The following FABP6 variants were observed in gnomAD, a reference collection of about 807,000 sequenced individuals.
FABP6 encodes the protein fatty acid binding protein 6.
FABP6 carries 13 observed loss-of-function variants against 14.9 expected under a neutral mutation model. That is an observed-to-expected ratio of 0.87 (90% confidence interval 0.57 to 1.39). FABP6 has a LOEUF of 1.39. Ranked by LOEUF, FABP6 falls within the 40% of genes most tolerant of loss-of-function variation. FABP6 has a pLI of 0.00. For synonymous variants in FABP6, 75 were observed against 63.6 expected (o/e 1.18, Z -0.85); for missense variants, 161 against 167.2 (o/e 0.96, Z 0.20).
chr5:160,213,650 T>G lies in FABP6; in HGVS notation c.52-86T>G, dbSNP rs188098985. On this transcript the variant is annotated intron_variant, in intron 2 of 6. Coordinates refer to the FABP6 transcript ENST00000393980. ...AATTAAGAGCGCTGCTATGAGGAGC[T>G]CTGCCTCCCTGCACAGAGCTGATTG... 36 of 1,143,294 alleles carry G rather than the reference T, an allele frequency of 3.1e-5. No homozygotes were observed. The Admixed American group carries it at 4.6e-4, about 15-fold the overall frequency. 70.8% of individuals were successfully genotyped at this position (1,143,294 alleles called of 1,614,324 possible).
At chr5:160,204,049 A>G (rs10042071) in intron 2 of FABP6, among the ~76,000 whole-genome samples, 1,999 of 151,964 alleles carry the variant, frequency 0.013, 44 homozygotes, top group African/African-American at 0.045. Flanking sequence ...ATTTCCAAAA[A>G]ATAAGGACTT....
intron 3 of FABP6, among the ~76,000 whole-genome samples, chr5:160,235,773 T>TTCTCTC (rs141776542): frequency 6.7e-6 from 1 of 150,234 alleles, no homozygotes; most frequent in South Asian, 2.1e-4. Context: ...TCTTTGATCC[T>TTCTCTC]TCTCTCTCTC....
At chr5:160,202,705 G>A (rs994566973) in intron 2 of FABP6, among the ~76,000 whole-genome samples, 16 of 151,544 alleles carry the variant, frequency 1.1e-4, no homozygotes, top group African/African-American at 3.9e-4. Context: ...TCGGGAGGCT[G>A]AGGCAGGAGA....
intron 2 of FABP6, among the ~76,000 whole-genome samples, chr5:160,205,196 C>T: frequency 6.6e-6 from 1 of 151,590 alleles, no homozygotes; most frequent in Non-Finnish European, 1.5e-5. Flanking sequence ...AGACAAGATA[C>T]CATTAATGAT....
At chr5:160,204,124 G>A (rs1362694315) in intron 2 of FABP6, among the ~76,000 whole-genome samples, 1 of 143,500 alleles carries the variant, frequency 7.0e-6, no homozygotes, top group Admixed American at 7.2e-5. Flanking sequence ...AGGCAATAGA[G>A]TGAGACTCCA....
At chr5:160,204,834 GA>G (rs1759727109) in intron 2 of FABP6, 1 of 152,186 alleles carries the variant, frequency 6.6e-6, no homozygotes, top group African/African-American at 2.4e-5. Context: ...TGTGGAGAGG[GA>G]AAGAAGCCAA....
chr5:160,220,298 C>A (rs949031206), intron 3 of FABP6, among the ~76,000 whole-genome samples: 1 of 152,114 alleles, frequency 6.6e-6, no homozygotes, highest in Non-Finnish European at 1.5e-5. Flanking sequence ...TCTGGAAGAT[C>A]GGTATTTTTT....
chr5:160,221,936 A>C (rs1246809432), intron 3 of FABP6, among the ~76,000 whole-genome samples: 4 of 152,214 alleles, frequency 2.6e-5, no homozygotes, highest in Non-Finnish European at 5.9e-5. Context: ...AATGAGATGT[A>C]GTGGGATCTG....
At chr5:160,196,403 C>T (rs1759510351) in intron 1 of FABP6, among the ~76,000 whole-genome samples, 1 of 152,104 alleles carries the variant, frequency 6.6e-6, no homozygotes, top group African/African-American at 2.4e-5. Flanking sequence ...TGATGGGGCT[C>T]TGGGGAGAGA....
chr5:160,211,780 A>G lies in FABP6; in HGVS notation c.52-1956A>G, dbSNP rs1347541021. Among the ~76,000 whole-genome samples, 16 of 152,224 alleles carry G rather than the reference A, an allele frequency of 1.1e-4. 1 individual carries two copies. In the South Asian group the frequency reaches 1.7e-3, roughly 16 times the overall value. On this transcript the variant is annotated intron_variant, in intron 2 of 6. Coordinates refer to the FABP6 transcript ENST00000393980. ...TTGTCACCAAGAGTCCGTGTCTGCT[A>G]CTTAGATCTGTAAGAGCTTTGGCTG...
chr5:160,205,520 G>C lies in FABP6; in HGVS notation c.51+6363G>C, dbSNP rs144641195. Among the ~76,000 whole-genome samples, 151 of 152,162 alleles carry C rather than the reference G, an allele frequency of 9.9e-4. No homozygotes were observed. The East Asian group carries it at 0.02, about 20-fold the overall frequency. ...ATTTCTCCTAGCAACCTTGTTTTCT[G>C]AAAGGCTGACTCCAACCCTGCTCCA... is the stretch of plus-strand genomic sequence containing the variant. On this transcript the variant is annotated intron_variant, in intron 2 of 6. Transcript: ENST00000393980.
At chr5:160,220,916 C>G (rs927545484) in intron 3 of FABP6, among the ~76,000 whole-genome samples, 1 of 151,394 alleles carries the variant, frequency 6.6e-6, no homozygotes, top group Non-Finnish European at 1.5e-5. Flanking sequence ...GGTGAAACCC[C>G]GTCTCTACTA....
In FABP6 at chr5:160,205,513, G is replaced by A. The variant is rs566956643; in HGVS notation, c.51+6356G>A. 3.3e-5 allele frequency among the ~76,000 whole-genome samples: 5 copies of A among 152,216 alleles called. No individual in the cohort carries two copies. In the South Asian group the frequency reaches 1.0e-3, roughly 32 times the overall value. On this transcript the variant is annotated intron_variant, in intron 2 of 6. Coordinates refer to the FABP6 transcript ENST00000393980. ...GATGCCCATTTCTCCTAGCAACCTT[G>A]TTTTCTGAAAGGCTGACTCCAACCC...
At chr5:160,227,598 A>C (rs1580920456), upstream of FABP6, among the ~76,000 whole-genome samples, 4 of 149,412 alleles carry the variant, frequency 2.7e-5, no homozygotes, top group East Asian at 7.9e-4. Context: ...ATTTGGGAGG[A>C]TCACTGGAGC....
At chr5:160,191,917 T>C (rs988863523) in intron 1 of FABP6, among the ~76,000 whole-genome samples, 3 of 151,208 alleles carry the variant, frequency 2.0e-5, no homozygotes, top group African/African-American at 7.3e-5. Context: ...GAGCTTGCAG[T>C]GAGCCAAGAT....
chr5:160,223,506 C>T (rs984250764), intron 3 of FABP6, among the ~76,000 whole-genome samples: 1 of 151,696 alleles, frequency 6.6e-6, no homozygotes, highest in East Asian at 2.0e-4. Flanking sequence ...CATGCAGCCT[C>T]TGCCTCCTGG....
At chr5:160,210,560 T>C (rs1759865308) in intron 2 of FABP6, among the ~76,000 whole-genome samples, 1 of 152,118 alleles carries the variant, frequency 6.6e-6, no homozygotes, top group South Asian at 2.1e-4. Context: ...CCTGCACAGC[T>C]CTAACACTGC....
intron 3 of FABP6, among the ~76,000 whole-genome samples, chr5:160,235,785 CT>C (rs1162406041): frequency 6.6e-6 from 1 of 152,122 alleles, no homozygotes; most frequent in East Asian, 1.9e-4. Flanking sequence ...CTCTCTCTCT[CT>C]CTCTCATTCT....
chr5:160,228,772 A>G (rs1760306247), upstream of FABP6: 3 of 307,346 alleles, frequency 9.8e-6, no homozygotes, highest in Admixed American at 7.9e-5. Context: ...TTCTCCTTCA[A>G]GTTTGCTTTG....
Sources: allele counts gnomAD v4.1 joint callset (sites outside exome capture counted in the v4.1 genomes callset), GRCh38; gene constraint gnomAD v4.1.1; transcripts MANE v1.5; gene names NCBI Gene and HGNC (gene_info 2026-07-23, HGNC 2026-07-21).